The following LRRC4C variants were observed in gnomAD, a reference collection of about 807,000 sequenced individuals.
The protein encoded by LRRC4C is leucine rich repeat containing 4C, also known as leucine-rich repeat-containing protein 4C.
A neutral mutation model predicts 33.6 loss-of-function variants in LRRC4C; 5 were observed. The ratio of observed to expected loss-of-function variants is 0.15; its 90% CI spans 0.08 to 0.31. The LOEUF (loss-of-function observed/expected upper bound fraction) is 0.31, where lower values mean the gene tolerates loss of function less well. Ranked by LOEUF, LRRC4C falls within the 10% of genes least tolerant of loss-of-function variation. LRRC4C has a pLI of 1.00. For missense variants in LRRC4C, 560 were observed against 796.7 expected (o/e 0.70, Z 3.58); for synonymous variants, 329 against 302.0 (o/e 1.09, Z -0.93).
At chr11:41,147,575 G>A (rs1160270280) in intron 1 of LRRC4C, among the ~76,000 whole-genome samples, 1 of 152,106 alleles carries the variant, frequency 6.6e-6, no homozygotes, top group African/African-American at 2.4e-5. Context: ...AATTTTTATT[G>A]ACAAATTATA....
intron 1 of LRRC4C, among the ~76,000 whole-genome samples, chr11:41,422,910 A>G (rs1401331901): frequency 6.6e-6 from 1 of 152,106 alleles, no homozygotes; most frequent in Non-Finnish European, 1.5e-5. Context: ...CAGTGGGTGA[A>G]TGATTTTTAA....
chr11:41,077,686 G>A (rs140251956), intron 1 of LRRC4C, among the ~76,000 whole-genome samples: 9 of 152,170 alleles, frequency 5.9e-5, no homozygotes, highest in Non-Finnish European at 1.2e-4. Flanking sequence ...ACATTTCCTG[G>A]AGACATTTTC....
chr11:40,932,747 T>G lies in LRRC4C; in HGVS notation c.-407+888A>C, dbSNP rs541766675. Among the ~76,000 whole-genome samples the G allele has an allele frequency of 6.6e-5, 10 of 152,230 alleles. No homozygotes were observed. In the East Asian group the frequency reaches 1.9e-3, roughly 29 times the overall value. The stretch of plus-strand genomic sequence containing the variant: ...TTTTTTAAAAGAGGAGGCTAATTCA[T>G]TTGAAACTAAGGAAGTCAGGGCAAG... On this transcript the variant is annotated intron_variant, in intron 2 of 6. Transcript: ENST00000528697.
chr11:40,803,215 T>C (rs1025094353), intron 2 of LRRC4C, among the ~76,000 whole-genome samples: 7 of 152,202 alleles, frequency 4.6e-5, no homozygotes, highest in African/African-American at 1.7e-4. Flanking sequence ...CCTAAGCAGT[T>C]ACTATCGTTA....
intron 1 of LRRC4C, among the ~76,000 whole-genome samples, chr11:41,418,198 A>C (rs1299637743): frequency 6.6e-6 from 1 of 152,002 alleles, no homozygotes; most frequent in Non-Finnish European, 1.5e-5. Flanking sequence ...GACATATCTG[A>C]AATCCGATAT....
chr11:41,362,794 C>T (rs1017581), intron 1 of LRRC4C, among the ~76,000 whole-genome samples: 95,961 of 150,954 alleles, frequency 0.64, 30,903 homozygotes, highest in East Asian at 0.79. Flanking sequence ...CCTAAACTTT[C>T]TTTTTTTTGG....
At chr11:40,635,688 G>C (rs1475496084) in intron 3 of LRRC4C, among the ~76,000 whole-genome samples, 1 of 137,018 alleles carries the variant, frequency 7.3e-6, no homozygotes, top group Non-Finnish European at 1.5e-5. Context: ...CCAGGCTAGA[G>C]TGCAGTGGCG....
chr11:41,070,478 G>GGT (rs1242809828), intron 1 of LRRC4C, among the ~76,000 whole-genome samples: 1 of 151,926 alleles, frequency 6.6e-6, no homozygotes, highest in African/African-American at 2.4e-5. Context: ...GAATGAAAAG[G>GGT]CAATCTACAG....
chr11:40,577,438 G>A (rs1456344511), intron 3 of LRRC4C, among the ~76,000 whole-genome samples: 1 of 152,160 alleles, frequency 6.6e-6, no homozygotes, highest in East Asian at 1.9e-4. Context: ...AGGATAACAG[G>A]TATAAACCAG....
rs541609839 is a variant in LRRC4C, at chr11:41,279,425, CA to C, written c.-496+180005del. ...ACACACACACACACACACACACACA[CA>C]CACCGTGGCAATCACTGCCTGCAAT... On this transcript the variant is annotated intron_variant, in intron 1 of 6. Coordinates refer to ENST00000528697, the MANE Select transcript of LRRC4C (RefSeq NM_001258419.2). Among the ~76,000 whole-genome samples the C allele has an allele frequency of 2.0e-4, 29 of 144,554 alleles. 1 individual carries two copies. Among genetic ancestry groups the C allele is most frequent in the East Asian group, 9.0e-4 (4 of 4,464 alleles). The allele number at this position is 144,554 out of a possible 152,430, so 94.8% of individuals were successfully genotyped here. A position where few individuals can be genotyped will look rare whatever the true frequency, so the allele number is the denominator to read the frequency against.
chr11:41,047,266 T>C (rs535719504), intron 1 of LRRC4C, among the ~76,000 whole-genome samples: 113 of 152,258 alleles, frequency 7.4e-4, no homozygotes, highest in Non-Finnish European at 1.3e-3. Context: ...ACATCATTAT[T>C]CATTAGAAAA....
chr11:40,947,300 G>A (rs1054950379), intron 1 of LRRC4C, among the ~76,000 whole-genome samples: 12 of 152,174 alleles, frequency 7.9e-5, no homozygotes, highest in Non-Finnish European at 7.3e-5. Flanking sequence ...AAATTGAGAA[G>A]TGGGAAATAC....
intron 5 of LRRC4C, among the ~76,000 whole-genome samples, chr11:40,202,289 GT>G (rs11284046): frequency 0.032 from 4,837 of 149,468 alleles, 112 homozygotes; most frequent in Non-Finnish European, 0.048. Context: ...AAGTAGGCAG[GT>G]TTTTTTTGTT....
intron 3 of LRRC4C, among the ~76,000 whole-genome samples, chr11:40,429,189 T>G (rs979122638): frequency 1.3e-5 from 2 of 152,196 alleles, no homozygotes; most frequent in African/African-American, 4.8e-5. Flanking sequence ...ATCTCCTGCC[T>G]CAGCCTCCCA....
chr11:40,578,128 CT>C (rs72138903), intron 3 of LRRC4C, among the ~76,000 whole-genome samples: 6 of 28,308 alleles, frequency 2.1e-4, no homozygotes, highest in African/African-American at 6.1e-4. Context: ...TATTATTGGA[CT>C]TTTTTTTTTC....
At chr11:40,970,749 T>C (rs1399299960) in intron 1 of LRRC4C, among the ~76,000 whole-genome samples, 2 of 152,144 alleles carry the variant, frequency 1.3e-5, no homozygotes, top group African/African-American at 4.8e-5. Flanking sequence ...GATAGTGATA[T>C]GGACAGTGAA....
chr11:40,313,804 C>T (rs1945442595), intron 4 of LRRC4C, among the ~76,000 whole-genome samples: 1 of 151,148 alleles, frequency 6.6e-6, no homozygotes, highest in South Asian at 2.1e-4. Context: ...TTAGTAGAGA[C>T]GAAGTTTCAT....
chr11:40,702,039 T>C (rs1945885327), intron 2 of LRRC4C, among the ~76,000 whole-genome samples: 2 of 152,046 alleles, frequency 1.3e-5, no homozygotes, highest in South Asian at 4.1e-4. Context: ...TCCATTTCAA[T>C]AGTCATACAT....
At chr11:40,687,023 C>A (rs1057237449) in intron 2 of LRRC4C, among the ~76,000 whole-genome samples, 1 of 152,044 alleles carries the variant, frequency 6.6e-6, no homozygotes, top group Non-Finnish European at 1.5e-5. Flanking sequence ...CAATTGGTAC[C>A]CACATTACGG....
Sources: allele counts gnomAD v4.1 joint callset (sites outside exome capture counted in the v4.1 genomes callset), GRCh38; gene constraint gnomAD v4.1.1; transcripts MANE v1.5; gene names NCBI Gene and HGNC (gene_info 2026-07-23, HGNC 2026-07-21).